The following CCDC191 variants were observed in gnomAD, a reference collection of about 807,000 sequenced individuals.
The protein encoded by CCDC191 is coiled-coil domain-containing protein 191.
In CCDC191, 99 loss-of-function variants were observed where a neutral mutation model predicts 114.0. The observed-to-expected ratio is 0.87, with a 90% CI of 0.74 to 1.03. CCDC191 has a LOEUF of 1.03. CCDC191 is among the 50% of genes least tolerant of loss of function. The pLI, the probability that CCDC191 is intolerant of heterozygous loss-of-function variation, is 0.00. For missense variants in CCDC191, 973 were observed against 1,087.0 expected (o/e 0.90, Z 1.47); for synonymous variants, 351 against 376.0 (o/e 0.93, Z 0.77).
At chr3:113,997,079 A>G (rs962096135) in intron 13 of CCDC191, among the ~76,000 whole-genome samples, 1 of 152,148 alleles carries the variant, frequency 6.6e-6, no homozygotes, top group Admixed American at 6.5e-5. Flanking sequence ...TTAACACTGT[A>G]CTGTATTTGG....
rs141909400 is a variant in CCDC191 at position 114,035,050 on chromosome 3, C to T, written c.693G>A (p.Val231=). ...GAGCCTTCCTTTTCTTCTCTTCTTG[C>T]ACCAGACACTGAGCCTCCAAGAAGG... ...KSAFLEAQCL[V]QEEKKRKALE... is the part of the protein sequence containing the mutation. Residue 231 remains valine, a synonymous_variant, in exon 6 of 17, where the codon GTG becomes GTA. Transcript: ENST00000295878. 1.2e-6 allele frequency: 2 copies of T among 1,614,050 alleles called. No individual in the cohort carries two copies. The highest frequency in any genetic ancestry group is 1.7e-6 in the Non-Finnish European group (2 of 1,179,970).
chr3:114,019,664 T>G (rs1007591166), intron 7 of CCDC191, among the ~76,000 whole-genome samples: 2 of 152,214 alleles, frequency 1.3e-5, no homozygotes, highest in Admixed American at 1.3e-4. Flanking sequence ...GTTTCCTATG[T>G]TCATATTACG....
chr3:113,966,117 C>T (rs956088181), intron 16 of CCDC191, among the ~76,000 whole-genome samples: 4 of 152,116 alleles, frequency 2.6e-5, no homozygotes, highest in Admixed American at 6.6e-5. Context: ...CAGAATGTGC[C>T]AAAGTTACAG....
chr3:114,036,506 C>T (rs953032174), intron 5 of CCDC191, 102 bp downstream of exon 5: 1 of 750,874 alleles, frequency 1.3e-6, no homozygotes. Flanking sequence ...ACAGATGGCA[C>T]CCTTTTTCAT....
intron 2 of CCDC191, among the ~76,000 whole-genome samples, chr3:114,050,202 C>T (rs879616599): frequency 2.0e-5 from 3 of 152,158 alleles, no homozygotes; most frequent in Non-Finnish European, 4.4e-5. Flanking sequence ...CCTTGTGTCC[C>T]ACAGCAGACA....
intron 1 of CCDC191, among the ~76,000 whole-genome samples, chr3:114,055,805 A>G (rs374564157): frequency 2.6e-5 from 4 of 152,224 alleles, no homozygotes; most frequent in East Asian, 3.8e-4. Flanking sequence ...ATGCATCCAA[A>G]TGGGTGATAG....
Position 114,012,222 on chromosome 3 carries a change from C to CGA in CCDC191, c.1164-1202_1164-1201insTC, listed in dbSNP as rs2076081997. ...AAATGTCACATTGTGACTCAATATA[C>CGA]GTGTGTGTGTGTGTGTGTGTAAAAG... On this transcript the variant is annotated intron_variant, in intron 8 of 16. Coordinates refer to ENST00000295878, the MANE Select transcript of CCDC191 (RefSeq NM_020817.2). 6.0e-5 allele frequency among the ~76,000 whole-genome samples: 9 copies of CGA among 150,614 alleles called. No individual in the cohort carries two copies. The South Asian group carries it at 1.9e-3, about 32-fold the overall frequency.
intron 7 of CCDC191, among the ~76,000 whole-genome samples, chr3:114,022,602 C>G (rs1285123204): frequency 1.3e-5 from 2 of 152,102 alleles, no homozygotes. Flanking sequence ...AGGAAGAAAG[C>G]TACATTCTAC....
intron 2 of CCDC191, among the ~76,000 whole-genome samples, chr3:114,047,879 G>A (rs1318658593): frequency 1.3e-5 from 2 of 152,182 alleles, no homozygotes; most frequent in Non-Finnish European, 2.9e-5. Flanking sequence ...GGCAGCTGAG[G>A]CATGAGAATC....
intron 1 of CCDC191, 119 bp downstream of exon 1, chr3:114,056,258 G>A (rs1200472359): frequency 8.5e-6 from 8 of 935,686 alleles, no homozygotes; most frequent in Non-Finnish European, 1.4e-5. Flanking sequence ...GGCGGTCAAG[G>A]CAGGGGCGTG....
chr3:114,026,625 A>G (rs2076324646), intron 7 of CCDC191, among the ~76,000 whole-genome samples: 1 of 152,184 alleles, frequency 6.6e-6, no homozygotes, highest in African/African-American at 2.4e-5. Context: ...AGATCTTTGG[A>G]AAGGAATCAT....
chr3:114,056,525 C>A lies in CCDC191; in HGVS notation c.-59G>T, dbSNP rs749778523. ...TGCAGCAACCGCCCTTCTGCCCGGG[C>A]TGCCTCCGGGTCACGCTGGGAATTG... On this transcript the variant is annotated 5_prime_UTR_variant, in exon 1 of 17. Transcript: ENST00000295878. 36 of 1,612,496 alleles carry A rather than the reference C, an allele frequency of 2.2e-5. No homozygotes were observed. The highest frequency in any genetic ancestry group is 1.1e-4 in the East Asian group (5 of 44,876).
intron 7 of CCDC191, among the ~76,000 whole-genome samples, chr3:114,023,927 G>A (rs1477918574): frequency 6.6e-6 from 1 of 151,976 alleles, no homozygotes; most frequent in Non-Finnish European, 1.5e-5. Context: ...GCAACCTACA[G>A]AATGGGAGAA....
At chr3:113,995,699 CA>C (rs2075701002) in intron 13 of CCDC191, among the ~76,000 whole-genome samples, 1 of 152,144 alleles carries the variant, frequency 6.6e-6, no homozygotes, top group Admixed American at 6.5e-5. Context: ...GAGGAATCAC[CA>C]CTGTCTTCCA....
At chr3:114,008,382 G>T (rs947492258) in intron 9 of CCDC191, among the ~76,000 whole-genome samples, 1 of 151,878 alleles carries the variant, frequency 6.6e-6, no homozygotes, top group Admixed American at 6.6e-5. Context: ...CTTGCTCAGA[G>T]AATAAGCTTA....
chr3:113,992,914 G>C (rs2107639652), intron 13 of CCDC191, among the ~76,000 whole-genome samples: 1 of 152,182 alleles, frequency 6.6e-6, no homozygotes. Context: ...GAACAAAATA[G>C]TAGCAAACTA....
Position 113,977,796 on chromosome 3 carries a change from C to T in CCDC191, c.2606+390G>A, listed in dbSNP as rs139138512. Among the ~76,000 whole-genome samples, 193 of 152,266 alleles carry T rather than the reference C, an allele frequency of 1.3e-3. 3 individuals are homozygous for T. In the East Asian group the frequency reaches 0.034, roughly 27 times the overall value. On this transcript the variant is annotated intron_variant, in intron 16 of 16. Transcript: ENST00000295878. ...TTAAGCTGTATTTGTATGATTTAAGCACTTTTCTATATTTGTCGTACATTT... is the reference window on the plus strand; with the variant it reads ...TTAAGCTGTATTTGTATGATTTAAGTACTTTTCTATATTTGTCGTACATTT...
intron 13 of CCDC191, among the ~76,000 whole-genome samples, chr3:113,992,692 C>T (rs990297922): frequency 9.2e-5 from 14 of 152,074 alleles, no homozygotes; most frequent in African/African-American, 2.7e-4. Flanking sequence ...CAAACCTGCA[C>T]GTTGTGCACA....
chr3:114,029,294 A>T lies in CCDC191; in HGVS notation c.972+2332T>A, dbSNP rs141908984. Among the ~76,000 whole-genome samples the T allele has an allele frequency of 2.0e-3, 305 of 152,326 alleles. 1 individual carries two copies. The highest frequency in any genetic ancestry group is 7.0e-3 in the African/African-American group (292 of 41,574). ...TGAAACAATCTGAATAAGCAAGTAA[A>T]CAACAACAATATTAGATTATGACCC... On this transcript the variant is annotated intron_variant, in intron 7 of 16. Transcript: ENST00000295878.
Sources: allele counts gnomAD v4.1 joint callset (sites outside exome capture counted in the v4.1 genomes callset), GRCh38; gene constraint gnomAD v4.1.1; transcripts MANE v1.5; gene names NCBI Gene and HGNC (gene_info 2026-07-23, HGNC 2026-07-21).